Variants in TMC1 observed in about 807,000 individuals in gnomAD.
The protein encoded by TMC1 is transmembrane channel like 1, also known as transmembrane channel-like protein 1.
Under a neutral mutation model 105.8 loss-of-function variants are expected in TMC1, and 84 were observed. The ratio of observed to expected loss-of-function variants is 0.79; its 90% CI spans 0.67 to 0.95. The LOEUF (loss-of-function observed/expected upper bound fraction) is 0.95. Among genes scored for constraint, TMC1 ranks in the 40% least tolerant of loss-of-function variants. TMC1 has a pLI of 0.00. For missense variants in TMC1, 817 were observed against 914.1 expected, an observed-to-expected ratio of 0.89 and a Z score of 1.37; for synonymous variants, 315 against 311.5, an observed-to-expected ratio of 1.01 and a Z score of -0.12.
At chr9:72,679,718 G>A (rs909038705) in intron 5 of TMC1, among the ~76,000 whole-genome samples, 9 of 151,990 alleles carry the variant, frequency 5.9e-5, no homozygotes, top group African/African-American at 1.9e-4. Context: ...CATTCATGAA[G>A]GTTTCATCCC....
At chr9:72,835,746 G>A (rs1166753544) in intron 23 of TMC1, among the ~76,000 whole-genome samples, 4 of 147,234 alleles carry the variant, frequency 2.7e-5, no homozygotes. Flanking sequence ...TGAAGCCTTT[G>A]CAAACTAAGA....
rs73647812 is a variant in TMC1, at chr9:72,744,301, A to T, written c.535+1776A>T. Among the ~76,000 whole-genome samples the T allele has an allele frequency of 2.2e-3, 339 of 152,258 alleles. 3 individuals are homozygous for T. The highest frequency in any genetic ancestry group is 7.9e-3 in the African/African-American group (327 of 41,534). ...ATTCATTTTATGTTCATTTCTCCCA[A>T]TAGATGGGAAATTTAGTTTTGTTCA... On this transcript the variant is annotated intron_variant, in intron 10 of 23. Coordinates refer to ENST00000297784, the MANE Select transcript of TMC1 (RefSeq NM_138691.3).
chr9:72,628,068 T>G lies in TMC1; in HGVS notation c.-53+5T>G, dbSNP rs1235765405. ...TAAGGAGCTGCAGAAGGGAAGGTAG[T>G]GAGGAGACAGTTAAATATTGAGCAC... On this transcript the variant is annotated splice_donor_5th_base_variant and intron_variant, in intron 4 of 23. Transcript: ENST00000297784. The G allele has an allele frequency of 8.8e-6, 4 of 455,774 alleles. No homozygotes were observed. The highest frequency in any genetic ancestry group is 6.2e-5 in the South Asian group (4 of 64,534). The allele number at this position is 455,774 out of a possible 1,614,324, so 28.2% of individuals were successfully genotyped here.
chr9:72,665,416 T>G (rs1270787978), intron 5 of TMC1, among the ~76,000 whole-genome samples: 1 of 152,216 alleles, frequency 6.6e-6, no homozygotes, highest in Non-Finnish European at 1.5e-5. Context: ...CCTCCATTGG[T>G]TATATGGACT....
At chr9:72,755,558 T>C (rs1056367831) in intron 12 of TMC1, among the ~76,000 whole-genome samples, 1 of 152,196 alleles carries the variant, frequency 6.6e-6, no homozygotes, top group Non-Finnish European at 1.5e-5. Context: ...AAAGGAGTTA[T>C]TTCTGTCCAT....
chr9:72,799,183 C>A lies in TMC1; in HGVS notation c.1567-6199C>A, dbSNP rs150400892. ...AGTTAGAATTGATATTCCTAACGTG[C>A]AGTCCATAAATTGATTTTGGGGCTT... On this transcript the variant is annotated intron_variant, in intron 17 of 23. Transcript: ENST00000297784. 6.6e-4 allele frequency among the ~76,000 whole-genome samples: 100 copies of A among 152,170 alleles called. 2 individuals carry two copies. In the East Asian group the frequency reaches 0.018, roughly 27 times the overall value.
intron 15 of TMC1, 43 bp from the exon 16 acceptor site, chr9:72,791,843 T>G: frequency 6.4e-7 from 1 of 1,564,944 alleles, no homozygotes; most frequent in Non-Finnish European, 8.8e-7. Flanking sequence ...AATAATAACT[T>G]TAAACACCAT....
intron 5 of TMC1, among the ~76,000 whole-genome samples, chr9:72,661,593 A>G (rs1173717316): frequency 6.6e-6 from 1 of 152,154 alleles, no homozygotes; most frequent in African/African-American, 2.4e-5. Flanking sequence ...CTGTGGTATT[A>G]AGTATGCACC....
intron 13 of TMC1, among the ~76,000 whole-genome samples, chr9:72,785,609 T>A (rs1327608335): frequency 2.0e-5 from 3 of 152,208 alleles, no homozygotes; most frequent in Non-Finnish European, 4.4e-5. Context: ...ATTGCCTTAC[T>A]GTAATAGTAA....
intron 11 of TMC1, 99 bp from the exon 12 acceptor site, chr9:72,754,687 A>G (rs1827643529): frequency 4.4e-6 from 4 of 899,784 alleles, no homozygotes; most frequent in Non-Finnish European, 7.3e-6. Flanking sequence ...CCCCATAAAA[A>G]TGTTTCAGAA....
Position 72,788,378 on chromosome 9 carries a change from C to A in TMC1, c.924C>A (p.Asp308Glu), listed in dbSNP as rs113342704. ...KNIGDDGGGDDNTFNFSWKVF... is the reference protein window; with the variant it reads ...KNIGDDGGGDENTFNFSWKVF... The stretch of plus-strand genomic sequence containing the variant: ...TTGGTGATGATGGAGGTGGAGATGA[C>A]AACACTTTCAATTTCAGCTGGAAGG... Residue 308 changes from aspartate (D) to glutamate (E), a missense_variant, in exon 14 of 24, where the codon GAC (aspartate) becomes GAA (glutamate). By Grantham distance (45) the Asp-to-Glu change is conservative. Coordinates refer to ENST00000297784, the MANE Select transcript of TMC1 (RefSeq NM_138691.3). 1 of 1,613,984 alleles carries A rather than the reference C, an allele frequency of 6.2e-7. No homozygotes were observed. Among genetic ancestry groups the A allele is most frequent in the East Asian group, 2.2e-5 (1 of 44,866 alleles).
At chr9:72,814,302 G>A (rs140679775) in intron 18 of TMC1, among the ~76,000 whole-genome samples, 66 of 152,272 alleles carry the variant, frequency 4.3e-4, no homozygotes, top group African/African-American at 1.6e-3. Flanking sequence ...AAGTGCTGAA[G>A]ATCATCCAGA....
At chr9:72,634,103 C>T (rs192537885) in intron 4 of TMC1, among the ~76,000 whole-genome samples, 8 of 152,172 alleles carry the variant, frequency 5.3e-5, no homozygotes, top group East Asian at 3.9e-4. Flanking sequence ...GACTAGGGAA[C>T]GAGTGCTGCT....
At chr9:72,733,636 G>C (rs1299317589) in intron 8 of TMC1, among the ~76,000 whole-genome samples, 2 of 152,088 alleles carry the variant, frequency 1.3e-5, no homozygotes, top group East Asian at 3.9e-4. Context: ...TACTGAACCT[G>C]ATTGCTGTCA....
At chr9:72,797,026 C>T (rs768457321) in intron 17 of TMC1, among the ~76,000 whole-genome samples, 1 of 151,974 alleles carries the variant, frequency 6.6e-6, no homozygotes, top group African/African-American at 2.4e-5. Context: ...TCAGCAGTCT[C>T]AGGATATATC....
intron 5 of TMC1, among the ~76,000 whole-genome samples, chr9:72,683,915 CT>C (rs1433807624): frequency 2.7e-5 from 4 of 150,560 alleles, no homozygotes; most frequent in African/African-American, 7.3e-5. Context: ...CTCCTTTCTC[CT>C]CTCATTCTTT....
At position 72,830,382 on chromosome 9, in the gene TMC1, G is replaced by A. The variant is rs897421612; in HGVS notation, c.2130-69G>A. ...GCTGATATTTCATAATTTACTTAATGTAAATTTAAGAAGTATCTTGGGGAA... is the reference window on the plus strand; with the variant it reads ...GCTGATATTTCATAATTTACTTAATATAAATTTAAGAAGTATCTTGGGGAA... On this transcript the variant is annotated intron_variant, in intron 21 of 23. Coordinates refer to ENST00000297784, the MANE Select transcript of TMC1 (RefSeq NM_138691.3). The A allele has an allele frequency of 1.3e-4, 140 of 1,042,070 alleles. No individual in the cohort carries two copies. The African/African-American group carries it at 1.9e-3, about 14-fold the overall frequency. The allele number at this position is 1,042,070 out of a possible 1,614,324, so 64.6% of individuals were successfully genotyped here. A position where few individuals can be genotyped will look rare whatever the true frequency, so the allele number is the denominator to read the frequency against.
chr9:72,757,695 C>T (rs189992210), intron 12 of TMC1, among the ~76,000 whole-genome samples: 181 of 152,190 alleles, frequency 1.2e-3, no homozygotes, highest in Non-Finnish European at 1.6e-3. Flanking sequence ...TGACCTGTCA[C>T]GTGAGGTGAG....
chr9:72,600,233 ACTTTAC>A (rs1037626346), intron 2 of TMC1, among the ~76,000 whole-genome samples: 8 of 152,222 alleles, frequency 5.3e-5, no homozygotes, highest in Non-Finnish European at 8.8e-5. Context: ...CTAAATGGCA[ACTTTAC>A]CTTTAACTGT....
Sources: allele counts gnomAD v4.1 joint callset (sites outside exome capture counted in the v4.1 genomes callset), GRCh38; gene constraint gnomAD v4.1.1; transcripts MANE v1.5; gene names NCBI Gene and HGNC (gene_info 2026-07-23, HGNC 2026-07-21).